SMCO2: variants seen among roughly 807,000 people sequenced by gnomAD.
SMCO2 encodes single-pass membrane protein with coiled-coil domains 2.
A neutral mutation model predicts 29.5 loss-of-function variants in SMCO2; 25 were observed. That is an observed-to-expected ratio of 0.85 (90% CI 0.62 to 1.18). The LOEUF (loss-of-function observed/expected upper bound fraction) is 1.18, where lower values mean the gene tolerates loss of function less well. Among genes scored for constraint, SMCO2 ranks in the 50% most tolerant of loss-of-function variants. The pLI is 0.00. For missense variants in SMCO2, 348 were observed against 344.5 expected (o/e 1.01, Z -0.08); for synonymous variants, 117 against 123.3 (o/e 0.95, Z 0.34).
At chr12:27,437,429 C>G in the SMCO2 span, among the ~76,000 whole-genome samples, 1 of 151,964 alleles carries the variant, frequency 6.6e-6, no homozygotes, top group Non-Finnish European at 1.5e-5. Context: ...TAAAGCAATA[C>G]AGGTGAAAGC....
At chr12:27,425,702 A>G in the SMCO2 span, among the ~76,000 whole-genome samples, 1 of 152,176 alleles carries the variant, frequency 6.6e-6, no homozygotes, top group Non-Finnish European at 1.5e-5. Flanking sequence ...CTAGTAATTC[A>G]CATGCACATA....
At chr12:27,475,682 A>G in intron 4 of SMCO2, 1 of 1,549,452 alleles carries the variant, frequency 6.5e-7, no homozygotes, top group Non-Finnish European at 8.7e-7. Context: ...AACGGAGAAA[A>G]TTGACAATAT....
At chr12:27,443,202 G>A in the SMCO2 span, among the ~76,000 whole-genome samples, 1 of 152,164 alleles carries the variant, frequency 6.6e-6, no homozygotes, top group Non-Finnish European at 1.5e-5. Context: ...ATGCAAGGAT[G>A]TTTCAACATA....
chr12:27,448,519 G>A, the SMCO2 span, among the ~76,000 whole-genome samples: 2 of 152,274 alleles, frequency 1.3e-5, no homozygotes, highest in African/African-American at 4.8e-5. Context: ...TGGAATCAAT[G>A]CTTTTCTCGG....
At chr12:27,488,092 G>T (rs1166141741) in intron 4 of SMCO2, among the ~76,000 whole-genome samples, 3 of 151,944 alleles carry the variant, frequency 2.0e-5, no homozygotes, top group Non-Finnish European at 4.4e-5. Flanking sequence ...TTTTGATGAG[G>T]TTCAATTATC....
the SMCO2 span, among the ~76,000 whole-genome samples, chr12:27,448,415 A>G: frequency 2.6e-5 from 4 of 152,216 alleles, no homozygotes; most frequent in Non-Finnish European, 5.9e-5. Flanking sequence ...TGAAATAGAA[A>G]GGGTGGCCAC....
chr12:27,488,503 C>T (rs1235903293), exon 5 of SMCO2: 16 of 1,538,792 alleles, frequency 1.0e-5, no homozygotes, highest in Non-Finnish European at 1.3e-5. Context: ...AATTGAAAAG[C>T]TGGAGGACCG....
chr12:27,480,932 T>G (rs967710388), intron 4 of SMCO2, among the ~76,000 whole-genome samples: 1 of 152,120 alleles, frequency 6.6e-6, no homozygotes, highest in Non-Finnish European at 1.5e-5. Flanking sequence ...TAACACACTG[T>G]CAGTGGCAGA....
chr12:27,489,327 G>T (rs548106695), intron 5 of SMCO2, among the ~76,000 whole-genome samples: 2 of 152,264 alleles, frequency 1.3e-5, no homozygotes, highest in East Asian at 1.9e-4. Context: ...GGGATTACAG[G>T]CATGAGCTAC....
chr12:27,464,455 T>C (rs868426755), upstream of SMCO2, among the ~76,000 whole-genome samples: 1 of 152,086 alleles, frequency 6.6e-6, no homozygotes, highest in African/African-American at 2.4e-5. Context: ...ATCTCTATAA[T>C]CCTGGCTCTT....
the SMCO2 span, among the ~76,000 whole-genome samples, chr12:27,452,678 G>C: frequency 1.3e-5 from 2 of 152,102 alleles, no homozygotes; most frequent in Admixed American, 6.6e-5. Context: ...TTGTAGAATA[G>C]GATCTGACTA....
In SMCO2 at chr12:27,485,323, C is replaced by T. The variant is rs141095170; in HGVS notation, c.363-3137C>T. 1.2e-3 allele frequency among the ~76,000 whole-genome samples: 179 copies of T among 152,030 alleles called. 4 individuals are homozygous for T. In the East Asian group the frequency reaches 0.023, roughly 19 times the overall value. ...TCTTTTTTCTATTTTTCATATCTCT[C>T]CTAAATGTACTCATGTTTTTCTCTA... On this transcript the variant is annotated intron_variant, in intron 4 of 7. Transcript: ENST00000298876.
chr12:27,423,365 T>C, the SMCO2 span: 1 of 138,934 alleles, frequency 7.2e-6, no homozygotes, highest in African/African-American at 2.7e-5. Flanking sequence ...AGTCTCGCTC[T>C]ATCGCCCAGG....
At chr12:27,471,112 A>G (rs1949537513) in intron 2 of SMCO2, among the ~76,000 whole-genome samples, 2 of 152,196 alleles carry the variant, frequency 1.3e-5, no homozygotes, top group African/African-American at 4.8e-5. Flanking sequence ...CAGTGGTATA[A>G]ACACATATAT....
upstream of SMCO2, among the ~76,000 whole-genome samples, chr12:27,464,354 G>C (rs141633625): frequency 2.6e-5 from 4 of 152,222 alleles, no homozygotes; most frequent in Admixed American, 6.5e-5. Flanking sequence ...TGGCAGAGTG[G>C]GAAGGAGCTG....
the SMCO2 span, among the ~76,000 whole-genome samples, chr12:27,427,294 A>G: frequency 6.6e-6 from 1 of 152,214 alleles, no homozygotes; most frequent in African/African-American, 2.4e-5. Flanking sequence ...CACGCCCATA[A>G]TTTCTGATTC....
intron 7 of SMCO2, among the ~76,000 whole-genome samples, chr12:27,499,037 C>T (rs974326781): frequency 6.6e-6 from 1 of 150,694 alleles, no homozygotes. Context: ...TTGGCAGTTT[C>T]TAAAACGGTT....
At chr12:27,446,101 A>C in the SMCO2 span, among the ~76,000 whole-genome samples, 1 of 151,992 alleles carries the variant, frequency 6.6e-6, no homozygotes, top group African/African-American at 2.4e-5. Context: ...ATGGGGTTTC[A>C]CCATGTTGGC....
At chr12:27,423,997 A>G in the SMCO2 span, 2 of 152,240 alleles carry the variant, frequency 1.3e-5, no homozygotes, top group African/African-American at 4.8e-5. Flanking sequence ...AGTATTACCA[A>G]AAGAATGTAA....
Sources: gnomAD v4.1 joint callset for allele counts (sites outside exome capture counted in the v4.1 genomes callset) on GRCh38, gnomAD v4.1.1 for gene constraint, MANE v1.5 for transcripts, NCBI Gene and HGNC (gene_info 2026-07-23, HGNC 2026-07-21) for gene names.